SLC4A10: variants seen among roughly 807,000 people sequenced by gnomAD.
SLC4A10 encodes solute carrier family 4 member 10, also known as sodium-driven chloride bicarbonate exchanger.
A neutral mutation model predicts 137.7 loss-of-function variants in SLC4A10; 42 were observed. The observed-to-expected ratio is 0.30, with a 90% CI of 0.24 to 0.39. The LOEUF is 0.39. SLC4A10 is among the 10% of genes least tolerant of loss of function. SLC4A10 has a pLI of 1.00. For missense variants in SLC4A10, 925 were observed against 1,355.0 expected (o/e 0.68, Z 4.98); for synonymous variants, 474 against 464.1 (o/e 1.02, Z -0.27).
At chr2:161,908,633 G>A (rs1685060693) in intron 15 of SLC4A10, among the ~76,000 whole-genome samples, 1 of 151,600 alleles carries the variant, frequency 6.6e-6, no homozygotes, top group Non-Finnish European at 1.5e-5. Flanking sequence ...GGTTGGGAAA[G>A]GAGGCAGAAT....
chr2:161,969,893 A>G (rs1350877243), intron 23 of SLC4A10, among the ~76,000 whole-genome samples: 4 of 152,234 alleles, frequency 2.6e-5, no homozygotes, highest in Non-Finnish European at 5.9e-5. Flanking sequence ...GACAAATGTC[A>G]TTTCTAGCTG....
intron 1 of SLC4A10, among the ~76,000 whole-genome samples, chr2:161,632,833 A>G (rs1465893663): frequency 6.6e-6 from 1 of 151,694 alleles, no homozygotes; most frequent in East Asian, 1.9e-4. Flanking sequence ...AACAAAATAG[A>G]AAAATCATCA....
At chr2:161,943,707 T>C (rs1377512050) in intron 16 of SLC4A10, among the ~76,000 whole-genome samples, 1 of 151,978 alleles carries the variant, frequency 6.6e-6, no homozygotes, top group African/African-American at 2.4e-5. Flanking sequence ...CATTACAGGT[T>C]CAAACCTTCT....
chr2:161,928,768 T>C (rs898343224), intron 15 of SLC4A10, among the ~76,000 whole-genome samples: 4 of 151,596 alleles, frequency 2.6e-5, no homozygotes, highest in African/African-American at 9.7e-5. Context: ...ATCTATAAAA[T>C]GTAGCAATTA....
intron 15 of SLC4A10, among the ~76,000 whole-genome samples, chr2:161,919,960 A>C (rs1687816035): frequency 6.6e-6 from 1 of 152,170 alleles, no homozygotes; most frequent in African/African-American, 2.4e-5. Context: ...CAGAGCCTGC[A>C]GTGTAAGTGG....
intron 1 of SLC4A10, among the ~76,000 whole-genome samples, chr2:161,665,741 A>G (rs865928033): frequency 5.3e-5 from 8 of 151,462 alleles, no homozygotes; most frequent in African/African-American, 1.9e-4. Context: ...CTTCACATAT[A>G]ACACTGAGCC....
At chr2:161,697,812 C>T (rs1198989645) in intron 1 of SLC4A10, among the ~76,000 whole-genome samples, 1 of 152,120 alleles carries the variant, frequency 6.6e-6, no homozygotes, top group Non-Finnish European at 1.5e-5. Context: ...TCCATATGAA[C>T]TTTAAAGTAG....
intron 26 of SLC4A10, among the ~76,000 whole-genome samples, chr2:161,982,041 C>T (rs1700289505): frequency 1.3e-5 from 2 of 152,164 alleles, no homozygotes; most frequent in Non-Finnish European, 2.9e-5. Flanking sequence ...GAAAGTTGTA[C>T]AGGAGGCCCC....
At chr2:161,829,839 T>C (rs2058313254) in intron 3 of SLC4A10, among the ~76,000 whole-genome samples, 1 of 152,018 alleles carries the variant, frequency 6.6e-6, no homozygotes, top group South Asian at 2.1e-4. Context: ...GGAAGGCACA[T>C]CTTACATGGC....
Position 161,957,159 on chromosome 2 carries a change from C to T in SLC4A10, c.2712C>T (p.Leu904=), listed in dbSNP as rs61752557. The change falls in exon 20 of 27, where the codon CTC becomes CTT. Residue 904 remains leucine (L), a synonymous_variant. Coordinates refer to ENST00000446997, the MANE Select transcript of SLC4A10 (RefSeq NM_001178015.2). ...CSAPGEQPKF[L]GIREQRVTGL... ...CTCCAGGAGAACAACCCAAATTTCT[C>T]GGCATTCGGGAGCAAAGGGTTACTG... 1.7e-3 allele frequency: 2,782 copies of T among 1,613,666 alleles called. 34 individuals carry two copies. The African/African-American group carries it at 0.022, about 13-fold the overall frequency.
intron 15 of SLC4A10, among the ~76,000 whole-genome samples, chr2:161,939,128 G>A (rs1692174035): frequency 6.6e-6 from 1 of 152,054 alleles, no homozygotes. Context: ...CAGGCAGAGT[G>A]TGCAGTGATG....
intron 3 of SLC4A10, among the ~76,000 whole-genome samples, chr2:161,814,625 A>G (rs918335027): frequency 6.6e-6 from 1 of 152,180 alleles, no homozygotes; most frequent in South Asian, 2.1e-4. Flanking sequence ...AGCAACATGT[A>G]TACAACTGGA....
intron 1 of SLC4A10, among the ~76,000 whole-genome samples, chr2:161,748,544 T>C (rs796449616): frequency 2.0e-5 from 3 of 152,090 alleles, no homozygotes; most frequent in African/African-American, 7.2e-5. Flanking sequence ...GACTGTTCTT[T>C]CCACATGGTA....
intron 4 of SLC4A10, among the ~76,000 whole-genome samples, chr2:161,841,480 T>C (rs2059179557): frequency 6.6e-6 from 1 of 152,240 alleles, no homozygotes; most frequent in African/African-American, 2.4e-5. Flanking sequence ...GGTCCTCAGA[T>C]TGCAATTGCT....
At chr2:161,886,131 A>G (rs1402600356) in intron 10 of SLC4A10, among the ~76,000 whole-genome samples, 1 of 152,190 alleles carries the variant, frequency 6.6e-6, no homozygotes, top group East Asian at 1.9e-4. Context: ...TAGTAAAGCC[A>G]TTACATATTA....
At position 161,893,295 on chromosome 2, in the gene SLC4A10, C is replaced by T. The variant is rs545510476; in HGVS notation, c.1195-1384C>T. Among the ~76,000 whole-genome samples, 305 of 152,240 alleles carry T rather than the reference C, an allele frequency of 2.0e-3. 1 individual carries two copies. The highest frequency in any genetic ancestry group is 6.7e-3 in the African/African-American group (280 of 41,552). The stretch of plus-strand genomic sequence containing the variant: ...GAAGGGACAAGTATGAAATGTAACT[C>T]ATACTTTGAGTGGAAATGAACTTTC... On this transcript the variant is annotated intron_variant, in intron 10 of 26. Transcript: ENST00000446997.
chr2:161,693,460 T>G (rs1467121217), intron 1 of SLC4A10, among the ~76,000 whole-genome samples: 1 of 152,056 alleles, frequency 6.6e-6, no homozygotes, highest in Non-Finnish European at 1.5e-5. Flanking sequence ...GTGGGCCAAC[T>G]GTGCTCATAA....
chr2:161,758,618 G>C (rs55926315), intron 1 of SLC4A10, among the ~76,000 whole-genome samples: 212 of 152,076 alleles, frequency 1.4e-3, no homozygotes, highest in Non-Finnish European at 2.6e-3. Context: ...ACTCAGAACT[G>C]TCCTAATTAA....
intron 5 of SLC4A10, among the ~76,000 whole-genome samples, chr2:161,861,819 G>T (rs2060448953): frequency 6.6e-6 from 1 of 152,132 alleles, no homozygotes; most frequent in African/African-American, 2.4e-5. Context: ...ACTTTGCAAA[G>T]TTGTCTAGCT....
Sources: allele counts gnomAD v4.1 joint callset (sites outside exome capture counted in the v4.1 genomes callset), GRCh38; gene constraint gnomAD v4.1.1; transcripts MANE v1.5; gene names NCBI Gene and HGNC (gene_info 2026-07-23, HGNC 2026-07-21).